SLC35F1: variants seen among roughly 807,000 people sequenced by gnomAD.
SLC35F1 encodes solute carrier family 35 member F1, also known as chromosome 6 open reading frame 169.
SLC35F1 carries 14 observed loss-of-function variants against 48.7 expected under a neutral mutation model. That is an observed-to-expected ratio of 0.29 (90% CI 0.19 to 0.45). The LOEUF (loss-of-function observed/expected upper bound fraction) is 0.45. Among genes scored for constraint, SLC35F1 ranks in the 20% least tolerant of loss-of-function variants. SLC35F1 has a pLI of 1.00. For synonymous variants in SLC35F1, 190 were observed against 202.2 expected (o/e 0.94, Z 0.51); for missense variants, 404 against 500.0 (o/e 0.81, Z 1.83).
At chr6:118,255,407 G>C (rs1364616244) in intron 3 of SLC35F1, among the ~76,000 whole-genome samples, 2 of 152,180 alleles carry the variant, frequency 1.3e-5, no homozygotes, top group East Asian at 1.9e-4. Context: ...AGCTGATAAA[G>C]GCTTTGATGA....
chr6:118,050,423 A>G (rs1772371868), intron 1 of SLC35F1, among the ~76,000 whole-genome samples: 1 of 151,972 alleles, frequency 6.6e-6, no homozygotes, highest in Non-Finnish European at 1.5e-5. Flanking sequence ...AAATAGTATT[A>G]CAGTGCAATA....
intron 1 of SLC35F1, among the ~76,000 whole-genome samples, chr6:117,941,144 C>A (rs1349762317): frequency 6.6e-6 from 1 of 152,120 alleles, no homozygotes; most frequent in Non-Finnish European, 1.5e-5. Context: ...ATGCTGTTTA[C>A]ATTTGGGTTT....
intron 1 of SLC35F1, among the ~76,000 whole-genome samples, chr6:117,964,588 G>C (rs1776536812): frequency 6.6e-6 from 1 of 152,180 alleles, no homozygotes. Flanking sequence ...TTCTTTGACT[G>C]ATAGTGACTA....
intron 3 of SLC35F1, among the ~76,000 whole-genome samples, chr6:118,260,524 A>T (rs1388150314): frequency 6.6e-6 from 1 of 152,056 alleles, no homozygotes; most frequent in Non-Finnish European, 1.5e-5. Flanking sequence ...GAGTGCAGGG[A>T]CAGTTTTATC....
chr6:118,056,054 G>T (rs932640946), intron 1 of SLC35F1, among the ~76,000 whole-genome samples: 1 of 152,150 alleles, frequency 6.6e-6, no homozygotes, highest in Non-Finnish European at 1.5e-5. Context: ...AACAAGACAG[G>T]TCATTTAAAA....
intron 1 of SLC35F1, among the ~76,000 whole-genome samples, chr6:117,945,169 G>A (rs935735016): frequency 6.6e-6 from 1 of 152,292 alleles, no homozygotes; most frequent in African/African-American, 2.4e-5. Flanking sequence ...GGCTCCGAGG[G>A]CCAGTGCTGT....
chr6:118,131,352 T>C (rs1023394050), intron 1 of SLC35F1, among the ~76,000 whole-genome samples: 2 of 152,174 alleles, frequency 1.3e-5, no homozygotes, highest in Non-Finnish European at 2.9e-5. Context: ...ACTTTAAGCA[T>C]TTTTATAACT....
At chr6:118,039,433 T>C (rs1209864486) in intron 1 of SLC35F1, among the ~76,000 whole-genome samples, 11 of 152,026 alleles carry the variant, frequency 7.2e-5, no homozygotes, top group Admixed American at 7.2e-4. Context: ...TTTCTTTAAA[T>C]ATATTTTTTT....
At chr6:117,999,677 A>G (rs1275492122) in intron 1 of SLC35F1, among the ~76,000 whole-genome samples, 1 of 152,164 alleles carries the variant, frequency 6.6e-6, no homozygotes, top group African/African-American at 2.4e-5. Context: ...TTTTGAAAGG[A>G]TCAACAAAAT....
At chr6:118,128,798 A>T (rs184732522) in intron 1 of SLC35F1, among the ~76,000 whole-genome samples, 1 of 151,856 alleles carries the variant, frequency 6.6e-6, no homozygotes, top group East Asian at 1.9e-4. Context: ...GTACCCAAAA[A>T]CTTAAAGTAT....
At chr6:118,259,951 AC>A (rs1393527592) in intron 3 of SLC35F1, among the ~76,000 whole-genome samples, 1 of 152,182 alleles carries the variant, frequency 6.6e-6, no homozygotes, top group Non-Finnish European at 1.5e-5. Flanking sequence ...ATTTATAATA[AC>A]CCAAGAGTGG....
chr6:117,994,671 C>A (rs1776961930), intron 1 of SLC35F1, among the ~76,000 whole-genome samples: 1 of 152,140 alleles, frequency 6.6e-6, no homozygotes, highest in East Asian at 1.9e-4. Flanking sequence ...AGTCTGTCTC[C>A]AAAGGTACTA....
At chr6:118,169,769 A>C (rs980229487) in intron 2 of SLC35F1, among the ~76,000 whole-genome samples, 7 of 152,218 alleles carry the variant, frequency 4.6e-5, no homozygotes, top group African/African-American at 1.7e-4. Flanking sequence ...TTTAAAAAAA[A>C]ACAGGGGAGG....
chr6:118,143,819 G>T (rs772475945), intron 1 of SLC35F1, among the ~76,000 whole-genome samples: 1 of 152,140 alleles, frequency 6.6e-6, no homozygotes, highest in Non-Finnish European at 1.5e-5. Context: ...CAGCCTGTGG[G>T]ATATGTATTA....
At chr6:118,125,054 T>C (rs138926727) in intron 1 of SLC35F1, among the ~76,000 whole-genome samples, 1 of 152,188 alleles carries the variant, frequency 6.6e-6, no homozygotes, top group East Asian at 1.9e-4. Flanking sequence ...TTCCAGAATC[T>C]TGATGGCATA....
intron 2 of SLC35F1, among the ~76,000 whole-genome samples, chr6:118,173,904 A>G (rs1398946345): frequency 6.6e-6 from 1 of 152,236 alleles, no homozygotes; most frequent in East Asian, 1.9e-4. Flanking sequence ...GCGTAGTTGT[A>G]AAGTGCAGCA....
At chr6:118,006,820 CAT>C (rs1777179577) in intron 1 of SLC35F1, among the ~76,000 whole-genome samples, 1 of 152,028 alleles carries the variant, frequency 6.6e-6, no homozygotes, top group South Asian at 2.1e-4. Flanking sequence ...AGAAGTAGCT[CAT>C]GAGATGAGTA....
At chr6:118,054,131 GATTT>G (rs1390720281) in intron 1 of SLC35F1, among the ~76,000 whole-genome samples, 2 of 152,086 alleles carry the variant, frequency 1.3e-5, no homozygotes, top group Non-Finnish European at 2.9e-5. Context: ...TTGGAGTCTT[GATTT>G]ACATTAATTC....
intron 1 of SLC35F1, among the ~76,000 whole-genome samples, chr6:118,138,048 C>T (rs901919739): frequency 7.2e-5 from 11 of 152,088 alleles, no homozygotes; most frequent in African/African-American, 2.4e-4. Flanking sequence ...GTGGCTCACA[C>T]GTGTATACCC....
Sources: gnomAD v4.1 joint callset for allele counts (sites outside exome capture counted in the v4.1 genomes callset) on GRCh38, gnomAD v4.1.1 for gene constraint, MANE v1.5 for transcripts, NCBI Gene and HGNC (gene_info 2026-07-23, HGNC 2026-07-21) for gene names.